SPRR2B: variants seen among roughly 807,000 people sequenced by gnomAD.
The protein encoded by SPRR2B is small proline rich protein 2B.
A neutral mutation model predicts 1.0 loss-of-function variants in SPRR2B; 1 was observed. The observed-to-expected ratio is 1.01, with a 90% CI of 0.36 to 4.77. SPRR2B has a LOEUF of 4.77. Among genes scored for constraint, SPRR2B ranks in the 30% most tolerant of loss-of-function variants. The pLI, the probability that SPRR2B is intolerant of heterozygous loss-of-function variation, is 0.16. For synonymous variants in SPRR2B, 27 were observed against 33.4 expected, an observed-to-expected ratio of 0.81 and a Z score of 0.66; for missense variants, 53 against 88.7, an observed-to-expected ratio of 0.60 and a Z score of 1.62.
chr1:153,071,723 T>C (rs1270281081), upstream of SPRR2B, among the ~76,000 whole-genome samples: 1 of 152,146 alleles, frequency 6.6e-6, no homozygotes, highest in Non-Finnish European at 1.5e-5. Context: ...TGCAAATTTA[T>C]CCATAACTGG....
At chr1:153,086,022 C>T in the SPRR2B span, among the ~76,000 whole-genome samples, 2 of 152,172 alleles carry the variant, frequency 1.3e-5, no homozygotes, top group African/African-American at 2.4e-5. Context: ...TACTAGAGCT[C>T]CTAAATGGAG....
At chr1:153,075,376 A>C (rs1214067687), upstream of SPRR2B, among the ~76,000 whole-genome samples, 3 of 152,040 alleles carry the variant, frequency 2.0e-5, no homozygotes. Flanking sequence ...AAAAAATAAA[A>C]ATAAAAAAAA....
chr1:153,081,825 CTTTTT>C, the SPRR2B span, among the ~76,000 whole-genome samples: 1 of 136,996 alleles, frequency 7.3e-6, no homozygotes, highest in Non-Finnish European at 1.6e-5. Context: ...CTTTTCTTTT[CTTTTT>C]TTTTTTTTTT....
upstream of SPRR2B, among the ~76,000 whole-genome samples, chr1:153,076,168 A>C (rs1377818162): frequency 1.3e-5 from 2 of 152,196 alleles, no homozygotes; most frequent in Non-Finnish European, 2.9e-5. Flanking sequence ...TTTAAATATC[A>C]CATTCCTTCT....
the SPRR2B span, among the ~76,000 whole-genome samples, chr1:153,081,131 C>A: frequency 3.9e-5 from 6 of 152,146 alleles, no homozygotes; most frequent in African/African-American, 1.4e-4. Context: ...TTCAAGACAC[C>A]TACCGTGACA....
chr1:153,071,554 A>T lies in SPRR2B; in HGVS notation c.-20+15T>A, dbSNP rs914496022. On this transcript the variant is annotated intron_variant, in intron 1 of 1. Coordinates refer to ENST00000368755, the MANE Select transcript of SPRR2B (RefSeq NM_001388198.1). Reference sequence around the variant, plus strand: ...TTCAGGGCAAAAAGAACAGAACTCAAGGAAGCAGACTAACCAGTTTCTCCA... The same window carrying T: ...TTCAGGGCAAAAAGAACAGAACTCATGGAAGCAGACTAACCAGTTTCTCCA... 2.0e-5 allele frequency among the ~76,000 whole-genome samples: 3 copies of T among 152,336 alleles called. No homozygotes were observed. In the South Asian group the frequency reaches 6.2e-4, roughly 32 times the overall value.
the SPRR2B span, among the ~76,000 whole-genome samples, chr1:153,084,409 C>A: frequency 6.6e-6 from 1 of 152,120 alleles, no homozygotes. Flanking sequence ...CTTGTGCCAA[C>A]ACTGCCATGG....
At chr1:153,084,549 A>C in the SPRR2B span, among the ~76,000 whole-genome samples, 2 of 152,120 alleles carry the variant, frequency 1.3e-5, no homozygotes, top group Admixed American at 6.5e-5. Flanking sequence ...CAACACTACA[A>C]GTGTGACAAC....
chr1:153,070,391 A>T lies in SPRR2B; in HGVS notation c.*230T>A. The T allele has an allele frequency of 1.3e-6, 1 of 789,846 alleles. No individual in the cohort carries two copies. The highest frequency in any genetic ancestry group is 1.9e-6 in the Non-Finnish European group (1 of 517,838). 48.9% of individuals were successfully genotyped at this position (789,846 alleles called of 1,614,324 possible). ...CTTTCTGCTGAAGCTCTGGGAACTG[A>T]CAAAGCCAAGGTTCCTTTGCTCAGT... On this transcript the variant is annotated 3_prime_UTR_variant, in exon 2 of 2. Coordinates refer to ENST00000368755, the MANE Select transcript of SPRR2B (RefSeq NM_001388198.1).
the SPRR2B span, among the ~76,000 whole-genome samples, chr1:153,083,624 C>A: frequency 2.6e-5 from 4 of 152,294 alleles, no homozygotes; most frequent in Admixed American, 2.6e-4. Context: ...GGGAGCCCTG[C>A]ACAGGGACAC....
At chr1:153,080,394 G>T in the SPRR2B span, among the ~76,000 whole-genome samples, 2 of 152,078 alleles carry the variant, frequency 1.3e-5, no homozygotes, top group Non-Finnish European at 2.9e-5. Flanking sequence ...GAACATGGAA[G>T]AACACTCTCC....
upstream of SPRR2B, among the ~76,000 whole-genome samples, chr1:153,072,889 A>C (rs1424095187): frequency 6.6e-6 from 1 of 152,242 alleles, no homozygotes; most frequent in South Asian, 2.1e-4. Flanking sequence ...TATATTAAAC[A>C]CTTAAAATAC....
At chr1:153,083,887 C>A in the SPRR2B span, among the ~76,000 whole-genome samples, 4 of 152,328 alleles carry the variant, frequency 2.6e-5, no homozygotes, top group East Asian at 7.7e-4. Flanking sequence ...GGATGGCCAT[C>A]TCTCTAGGCT....
the SPRR2B span, among the ~76,000 whole-genome samples, chr1:153,083,712 C>G: frequency 7.2e-5 from 11 of 152,332 alleles, no homozygotes; most frequent in African/African-American, 2.4e-4. Context: ...GGAACCCACT[C>G]CCGCCATGGG....
At chr1:153,075,457 A>G (rs1158342510), upstream of SPRR2B, among the ~76,000 whole-genome samples, 3 of 152,228 alleles carry the variant, frequency 2.0e-5, no homozygotes, top group African/African-American at 4.8e-5. Context: ...ACTATCTAAG[A>G]GCCAGACAGA....
At chr1:153,077,444 C>A in the SPRR2B span, among the ~76,000 whole-genome samples, 1 of 152,084 alleles carries the variant, frequency 6.6e-6, no homozygotes, top group Non-Finnish European at 1.5e-5. Context: ...TAAAAGCTGG[C>A]ATTGTTGAAA....
At chr1:153,079,343 T>G in the SPRR2B span, among the ~76,000 whole-genome samples, 1 of 152,228 alleles carries the variant, frequency 6.6e-6, no homozygotes, top group Non-Finnish European at 1.5e-5. Flanking sequence ...TAGATTCTTT[T>G]GCTGTGCAGA....
chr1:153,072,731 G>A (rs2101611793), upstream of SPRR2B, among the ~76,000 whole-genome samples: 1 of 152,240 alleles, frequency 6.6e-6, no homozygotes, highest in Non-Finnish European at 1.5e-5. Flanking sequence ...CCCACAACCT[G>A]CTAGATTATC....
At chr1:153,080,442 A>G in the SPRR2B span, among the ~76,000 whole-genome samples, 1 of 152,212 alleles carries the variant, frequency 6.6e-6, no homozygotes, top group African/African-American at 2.4e-5. Flanking sequence ...GAACAAGTTA[A>G]TATATTTTAA....
Sources: allele counts gnomAD v4.1 joint callset (sites outside exome capture counted in the v4.1 genomes callset), GRCh38; gene constraint gnomAD v4.1.1; transcripts MANE v1.5; gene names NCBI Gene and HGNC (gene_info 2026-07-23, HGNC 2026-07-21).